Variants in REC114 observed in about 807,000 individuals in gnomAD.
REC114 encodes meiotic recombination protein REC114.
Under a neutral mutation model 31.3 loss-of-function variants are expected in REC114, and 27 were observed. The ratio of observed to expected loss-of-function variants is 0.86; its 90% CI spans 0.64 to 1.19. The LOEUF (loss-of-function observed/expected upper bound fraction) is 1.19, where lower values mean the gene tolerates loss of function less well. Ranked by LOEUF, REC114 falls within the 50% of genes most tolerant of loss-of-function variation. The probability of loss-of-function intolerance (pLI) is 0.00; values close to 1 mark genes in which losing one functional copy is unlikely to be tolerated. For missense variants in REC114, 344 were observed against 326.9 expected (o/e 1.05, Z -0.40); for synonymous variants, 134 against 127.7 (o/e 1.05, Z -0.33).
chr15:73,453,853 G>A (rs1381618953), intron 1 of REC114, among the ~76,000 whole-genome samples: 1 of 151,506 alleles, frequency 6.6e-6, no homozygotes, highest in African/African-American at 2.4e-5. Context: ...ATCATTCTCA[G>A]CAAACTAACA....
chr15:73,495,928 A>G (rs2141305346), intron 2 of REC114, among the ~76,000 whole-genome samples: 1 of 152,322 alleles, frequency 6.6e-6, no homozygotes, highest in Middle Eastern at 3.4e-3. Context: ...TTAATCCTTC[A>G]GTGGACCTTA....
At chr15:73,495,997 A>T (rs1354513371) in intron 2 of REC114, among the ~76,000 whole-genome samples, 1 of 152,184 alleles carries the variant, frequency 6.6e-6, no homozygotes, top group Non-Finnish European at 1.5e-5. Context: ...AAAGATGGGA[A>T]AGATGCTCTA....
chr15:73,535,713 G>A (rs1288785763), intron 2 of REC114, among the ~76,000 whole-genome samples: 11 of 145,296 alleles, frequency 7.6e-5, no homozygotes, highest in East Asian at 2.0e-4. Context: ...AGCCTGCATC[G>A]CCAAGTCAAT....
In REC114 at chr15:73,550,295, T is replaced by A. The variant is rs1294175533; in HGVS notation, c.334-643T>A. ...TGATGTAGTTGACAGATTTTTAAAATTTTTTAATTGCATCTGTCCCACATT... is the reference window on the plus strand; with the variant it reads ...TGATGTAGTTGACAGATTTTTAAAAATTTTTAATTGCATCTGTCCCACATT... On this transcript the variant is annotated intron_variant, in intron 3 of 5. Transcript: ENST00000331090. Among the ~76,000 whole-genome samples, 3 of 152,224 alleles carry A rather than the reference T, an allele frequency of 2.0e-5. No individual in the cohort carries two copies. The East Asian group carries it at 5.8e-4, about 29-fold the overall frequency.
chr15:73,553,903 C>A (rs1018929558), intron 4 of REC114, among the ~76,000 whole-genome samples: 3 of 152,180 alleles, frequency 2.0e-5, no homozygotes, highest in Admixed American at 2.0e-4. Flanking sequence ...AGGTTAGAAT[C>A]CTGGCCCTAT....
At chr15:73,466,707 A>T (rs1893065947) in intron 1 of REC114, among the ~76,000 whole-genome samples, 1 of 152,260 alleles carries the variant, frequency 6.6e-6, no homozygotes, top group African/African-American at 2.4e-5. Flanking sequence ...AATGTTAAAG[A>T]TATTGTTCAA....
intron 2 of REC114, among the ~76,000 whole-genome samples, chr15:73,482,294 CGATAA>C (rs1314875223): frequency 6.6e-6 from 1 of 152,128 alleles, no homozygotes; most frequent in Non-Finnish European, 1.5e-5. Context: ...GCTGTCCTCA[CGATAA>C]TAAGTGAGTT....
intron 1 of REC114, among the ~76,000 whole-genome samples, chr15:73,450,844 C>T (rs915757315): frequency 1.3e-5 from 2 of 152,154 alleles, no homozygotes; most frequent in Non-Finnish European, 2.9e-5. Context: ...CTCAAAACCG[C>T]ACAACTACAT....
intron 2 of REC114, among the ~76,000 whole-genome samples, chr15:73,502,143 A>G (rs1893611515): frequency 1.0e-5 from 1 of 98,870 alleles, no homozygotes; most frequent in South Asian, 4.7e-4. Flanking sequence ...CAACAGAGCA[A>G]GACCTTGTCT....
intron 2 of REC114, among the ~76,000 whole-genome samples, chr15:73,499,965 T>G (rs1595870812): frequency 6.6e-6 from 1 of 152,300 alleles, no homozygotes; most frequent in East Asian, 1.9e-4. Flanking sequence ...GTAGAGAGAA[T>G]AATATAATAA....
At chr15:73,478,361 C>T (rs1893245102) in intron 2 of REC114, among the ~76,000 whole-genome samples, 1 of 150,792 alleles carries the variant, frequency 6.6e-6, no homozygotes, top group African/African-American at 2.4e-5. Context: ...AGCTTTCTCT[C>T]ATTGAATTAC....
chr15:73,499,086 C>A (rs1207426982), intron 2 of REC114, among the ~76,000 whole-genome samples: 1 of 152,006 alleles, frequency 6.6e-6, no homozygotes, highest in African/African-American at 2.4e-5. Context: ...CATTGGTCTA[C>A]CAAGTATCTT....
chr15:73,504,127 C>A (rs1009151563), intron 2 of REC114, among the ~76,000 whole-genome samples: 3 of 149,012 alleles, frequency 2.0e-5, no homozygotes, highest in African/African-American at 7.4e-5. Flanking sequence ...CTGCCTCAGT[C>A]TCCTGAGTAG....
At chr15:73,455,749 G>A (rs944303685) in intron 1 of REC114, among the ~76,000 whole-genome samples, 1 of 152,078 alleles carries the variant, frequency 6.6e-6, no homozygotes. Flanking sequence ...TGTAAAACAC[G>A]CATGCACACT....
intron 2 of REC114, among the ~76,000 whole-genome samples, chr15:73,522,720 A>G (rs561070713): frequency 6.6e-6 from 1 of 152,342 alleles, no homozygotes; most frequent in East Asian, 1.9e-4. Flanking sequence ...GTTTTTATTA[A>G]GAATAAAACG....
At chr15:73,466,112 A>G (rs1225173096) in intron 1 of REC114, among the ~76,000 whole-genome samples, 1 of 151,708 alleles carries the variant, frequency 6.6e-6, no homozygotes, top group Non-Finnish European at 1.5e-5. Context: ...CGGCCTCCCA[A>G]AGTGCTGGGA....
In REC114 at chr15:73,496,520, G is replaced by A. The variant is rs141688231; in HGVS notation, c.249+22599G>A. Among the ~76,000 whole-genome samples, 7 of 151,900 alleles carry A rather than the reference G, an allele frequency of 4.6e-5. No homozygotes were observed. In the East Asian group the frequency reaches 9.7e-4, roughly 21 times the overall value. On this transcript the variant is annotated intron_variant, in intron 2 of 5. Transcript: ENST00000331090. Reference sequence around the variant, plus strand: ...ACACAAAAATTAGCCAGACGTGGTGGCGGACACCTGTAATCCCAGCTACTT... The same window carrying A: ...ACACAAAAATTAGCCAGACGTGGTGACGGACACCTGTAATCCCAGCTACTT...
chr15:73,532,453 A>G (rs1373554889), intron 2 of REC114, among the ~76,000 whole-genome samples: 1 of 151,342 alleles, frequency 6.6e-6, no homozygotes, highest in Non-Finnish European at 1.5e-5. Context: ...ATACGTGTGC[A>G]TGTGTCTTTA....
chr15:73,502,584 T>C (rs911669804), intron 2 of REC114, among the ~76,000 whole-genome samples: 3 of 152,160 alleles, frequency 2.0e-5, no homozygotes, highest in African/African-American at 7.2e-5. Context: ...AAGGTCTTCA[T>C]TGTCATCATC....
Sources: gnomAD v4.1 joint callset for allele counts (sites outside exome capture counted in the v4.1 genomes callset) on GRCh38, gnomAD v4.1.1 for gene constraint, MANE v1.5 for transcripts, NCBI Gene and HGNC (gene_info 2026-07-23, HGNC 2026-07-21) for gene names.